Variants in BZW2 observed in about 807,000 individuals in gnomAD.
BZW2 encodes eIF5-mimic protein 1.
A neutral mutation model predicts 53.2 loss-of-function variants in BZW2; 23 were observed. The ratio of observed to expected loss-of-function variants is 0.43; its 90% confidence interval spans 0.31 to 0.61. The LOEUF (loss-of-function observed/expected upper bound fraction) is 0.61, where lower values mean the gene tolerates loss of function less well. Among genes scored for constraint, BZW2 ranks in the 20% least tolerant of loss-of-function variants. BZW2 has a pLI of 0.09. For synonymous variants in BZW2, 227 were observed against 186.4 expected, an observed-to-expected ratio of 1.22 and a Z score of -1.77; for missense variants, 409 against 503.1, an observed-to-expected ratio of 0.81 and a Z score of 1.79.
intron 3 of BZW2, among the ~76,000 whole-genome samples, chr7:16,676,351 C>T (rs952433215): frequency 1.3e-5 from 2 of 152,022 alleles, no homozygotes; most frequent in African/African-American, 4.8e-5. Context: ...GAGTTCGAGA[C>T]CAGCCTGACC....
rs541730838 is a variant in BZW2, at chr7:16,650,930, A to G, written c.-8+4642A>G. Reference sequence around the variant, plus strand: ...AAGATTTGAATAACTCATTGAATGAACCATTCTTTAAGGTTAAATGCCAAA... The same window carrying G: ...AAGATTTGAATAACTCATTGAATGAGCCATTCTTTAAGGTTAAATGCCAAA... On this transcript the variant is annotated intron_variant, in intron 1 of 11. Coordinates refer to ENST00000258761, the MANE Select transcript of BZW2 (RefSeq NM_014038.3). Among the ~76,000 whole-genome samples, 7 of 152,348 alleles carry G rather than the reference A, an allele frequency of 4.6e-5. No individual in the cohort carries two copies. In the East Asian group the frequency reaches 1.2e-3, roughly 25 times the overall value.
chr7:16,681,440 G>T (rs1782943252), intron 4 of BZW2, 36 bp downstream of exon 4: 1 of 1,552,622 alleles, frequency 6.4e-7, no homozygotes, highest in East Asian at 2.2e-5. Flanking sequence ...CATTTGAAGA[G>T]GACTGAGGAA....
Position 16,674,537 on chromosome 7 carries a change from C to T in BZW2, c.184C>T (p.Arg62Cys), listed in dbSNP as rs1253768868. The T allele has an allele frequency of 6.2e-7, 1 of 1,611,800 alleles. No individual in the cohort carries two copies. The highest frequency in any genetic ancestry group is 8.5e-7 in the Non-Finnish European group (1 of 1,178,586). Reference protein sequence around the residue: ...LDSTGSRLDYRRYADTLFDIL... With the variant: ...LDSTGSRLDYCRYADTLFDIL... ...CTCTACAGGCTCAAGATTAGATTATCGTCGCTATGCAGACACACTCTTCGA... is the reference window on the plus strand; with the variant it reads ...CTCTACAGGCTCAAGATTAGATTATTGTCGCTATGCAGACACACTCTTCGA... Residue 62 changes from arginine to cysteine, a missense_variant, in exon 3 of 12, where the codon CGT (arginine) becomes TGT (cysteine). This residue lies in a region of BZW2 where 316 missense variants were observed against 366.8 expected (regional missense o/e 0.86). Transcript: ENST00000258761.
At chr7:16,701,182 T>A (rs574055301) in intron 10 of BZW2, among the ~76,000 whole-genome samples, 18 of 152,300 alleles carry the variant, frequency 1.2e-4, no homozygotes, top group Non-Finnish European at 2.2e-4. Flanking sequence ...AAAATCTAGA[T>A]TTGCATATTT....
Position 16,697,051 on chromosome 7 carries a change from A to G in BZW2, c.959A>G (p.Lys320Arg). The change falls in exon 9 of 12, where the codon AAG (lysine) becomes AGG (arginine). Residue 320 changes from lysine to arginine, a missense_variant. Coordinates refer to ENST00000258761, the MANE Select transcript of BZW2 (RefSeq NM_014038.3). ...GAACTTGTTGCAGAGCAGGCTCTGA[A>G]GCACCTGAAGGTAACAGCCCTTAGC... ...KEELVAEQAL[K>R]HLKQYAPLLA... 2 of 1,614,034 alleles carry G rather than the reference A, an allele frequency of 1.2e-6. No individual in the cohort carries two copies. Among genetic ancestry groups the G allele is most frequent in the Non-Finnish European group, 1.7e-6 (2 of 1,179,958 alleles).
At chr7:16,661,050 G>A (rs1023103138) in intron 1 of BZW2, among the ~76,000 whole-genome samples, 1 of 152,072 alleles carries the variant, frequency 6.6e-6, no homozygotes, top group Non-Finnish European at 1.5e-5. Flanking sequence ...AAAATGTTGT[G>A]TTCCCTGCTT....
chr7:16,701,785 G>A (rs2128371176), intron 10 of BZW2, among the ~76,000 whole-genome samples: 1 of 152,286 alleles, frequency 6.6e-6, no homozygotes. Context: ...TGCTGGAAAT[G>A]AGATGAACAA....
chr7:16,672,206 A>G (rs1220467257), intron 2 of BZW2, among the ~76,000 whole-genome samples: 1 of 152,160 alleles, frequency 6.6e-6, no homozygotes, highest in African/African-American at 2.4e-5. Flanking sequence ...GTACTTGGAA[A>G]CAATCTTTCA....
rs554519418 is a variant in BZW2 at position 16,705,728 on chromosome 7, C to G, written c.1232-332C>G. On this transcript the variant is annotated intron_variant, in intron 11 of 11. Coordinates refer to ENST00000258761, the MANE Select transcript of BZW2 (RefSeq NM_014038.3). ...GAATAAAAAGTTTATCTTAGGTGATCCAAAGAAGAAAAGTTATATTGTTTA... is the reference window on the plus strand; with the variant it reads ...GAATAAAAAGTTTATCTTAGGTGATGCAAAGAAGAAAAGTTATATTGTTTA... Among the ~76,000 whole-genome samples the G allele has an allele frequency of 3.8e-3, 552 of 146,926 alleles. 3 individuals carry two copies. Among genetic ancestry groups the G allele is most frequent in the Non-Finnish European group, 5.1e-3 (339 of 66,964 alleles).
chr7:16,697,091 G>C (rs989216156), intron 9 of BZW2, 30 bp downstream of exon 9: 7 of 1,602,674 alleles, frequency 4.4e-6, no homozygotes, highest in East Asian at 2.2e-5. Flanking sequence ...AACTGACCCA[G>C]CCAAGGGCAA....
At chr7:16,666,095 A>G (rs575324151) in intron 2 of BZW2, among the ~76,000 whole-genome samples, 2 of 151,998 alleles carry the variant, frequency 1.3e-5, no homozygotes, top group East Asian at 3.9e-4. Flanking sequence ...TGTAAATAAT[A>G]TTTTATATAT....
intron 2 of BZW2, 104 bp from the exon 3 acceptor site, chr7:16,674,308 A>ATT (rs11465103): frequency 7.2e-4 from 591 of 819,190 alleles, no homozygotes; most frequent in African/African-American, 2.1e-3. Context: ...TGCTCTGTGG[A>ATT]TTTTTTTTTC....
intron 1 of BZW2, among the ~76,000 whole-genome samples, chr7:16,659,441 T>C (rs751436501): frequency 7.2e-5 from 11 of 152,180 alleles, no homozygotes; most frequent in Non-Finnish European, 1.5e-4. Context: ...AGTTTGTTGC[T>C]TAGAGTGTCA....
chr7:16,685,811 G>A, intron 5 of BZW2, 94 bp from the exon 6 acceptor site: 3 of 1,401,102 alleles, frequency 2.1e-6, no homozygotes, highest in Non-Finnish European at 2.8e-6. Context: ...GATGTTCACA[G>A]TTTATCTTCC....
At chr7:16,651,855 T>G (rs752793795) in intron 1 of BZW2, among the ~76,000 whole-genome samples, 1 of 152,220 alleles carries the variant, frequency 6.6e-6, no homozygotes, top group Non-Finnish European at 1.5e-5. Context: ...TTTATCCAAG[T>G]GCTGAACTCA....
intron 11 of BZW2, among the ~76,000 whole-genome samples, chr7:16,705,375 A>G (rs1562501486): frequency 6.6e-6 from 1 of 151,176 alleles, no homozygotes; most frequent in East Asian, 1.9e-4. Context: ...AAATAAATAA[A>G]GTGAATTCAA....
At chr7:16,696,888 T>G in intron 8 of BZW2, 27 bp from the exon 9 acceptor site, 2 of 1,613,328 alleles carry the variant, frequency 1.2e-6, no homozygotes, top group Non-Finnish European at 1.7e-6. Flanking sequence ...GCCTGTTACT[T>G]TCTGACCCCA....
intron 10 of BZW2, among the ~76,000 whole-genome samples, chr7:16,703,022 C>T (rs1417943913): frequency 1.3e-5 from 2 of 152,148 alleles, no homozygotes; most frequent in Non-Finnish European, 2.9e-5. Flanking sequence ...TGTTAATGTT[C>T]TTTAAAAGTC....
intron 1 of BZW2, among the ~76,000 whole-genome samples, 177 bp downstream of exon 1, chr7:16,646,465 ACGGGGTATCAGTGCCCTGG>A (rs1248304930): frequency 6.6e-6 from 1 of 151,762 alleles, no homozygotes; most frequent in Admixed American, 6.6e-5. Context: ...CACGGCGCGT[ACGGGGTATCAGTGCCCTGG>A]GATGAAGACC....
Sources: allele counts gnomAD v4.1 joint callset (sites outside exome capture counted in the v4.1 genomes callset), GRCh38; gene constraint gnomAD v4.1.1; regional missense constraint gnomAD v4.1.1; transcripts MANE v1.5; gene names NCBI Gene and HGNC (gene_info 2026-07-23, HGNC 2026-07-21).